Variants in BFSP2 observed in about 807,000 individuals in gnomAD.
The protein encoded by BFSP2 is phakinin.
Under a neutral mutation model 44.9 loss-of-function variants are expected in BFSP2, and 38 were observed. That is an observed-to-expected ratio of 0.85 (90% CI 0.65 to 1.11). BFSP2 has a LOEUF of 1.11. Ranked by LOEUF, BFSP2 falls within the 50% of genes least tolerant of loss-of-function variation. The pLI is 0.00. For missense variants in BFSP2, 525 were observed against 533.0 expected (o/e 0.99, Z 0.15); for synonymous variants, 197 against 209.9 (o/e 0.94, Z 0.53).
At chr3:133,448,000 A>C (rs2073919488) in intron 2 of BFSP2, among the ~76,000 whole-genome samples, 1 of 151,996 alleles carries the variant, frequency 6.6e-6, no homozygotes, top group South Asian at 2.1e-4. Context: ...TACACCTCCC[A>C]CTCAGTCCCT....
intron 5 of BFSP2, among the ~76,000 whole-genome samples, chr3:133,469,279 TAC>T (rs2107942930): frequency 6.6e-6 from 1 of 152,340 alleles, no homozygotes; most frequent in Non-Finnish European, 1.5e-5. Flanking sequence ...CAAACTCTCA[TAC>T]AGTTTTCAGA....
At position 133,400,155 on chromosome 3, in the gene BFSP2, G is replaced by A. The variant is rs1246825512; in HGVS notation, c.72G>A (p.Arg24=). ...CCAGCATGCCCCTCCAGAGGCGCAG[G>A]GCGTCCTTCAGGGGGCCACGGTCAT... ...ASSSMPLQRR[R]ASFRGPRSSS... The change falls in exon 1 of 7, where the codon AGG becomes AGA. Residue 24 remains arginine, a synonymous_variant. Transcript: ENST00000302334. The surrounding 1 kb of genome is among the most constrained non-coding windows in gnomAD (Gnocchi z 4.0). 1 of 1,614,152 alleles carries A rather than the reference G, an allele frequency of 6.2e-7. No homozygotes were observed. Among genetic ancestry groups the A allele is most frequent in the Admixed American group, 1.7e-5 (1 of 60,030 alleles).
chr3:133,408,192 CTTTTATT>C (rs775847678), intron 1 of BFSP2, among the ~76,000 whole-genome samples: 5 of 152,050 alleles, frequency 3.3e-5, no homozygotes, highest in Non-Finnish European at 7.4e-5. Context: ...CGATAGCACT[CTTTTATT>C]TTTAAATGTT....
chr3:133,414,044 CCTACTCACCCCT>C (rs2073480984), intron 1 of BFSP2, among the ~76,000 whole-genome samples: 1 of 139,212 alleles, frequency 7.2e-6, no homozygotes, highest in Admixed American at 7.0e-5. Context: ...CCCTCTCTCC[CCTACTCACCCCT>C]CTACTCACCC....
chr3:133,408,869 T>G (rs1427788177), intron 1 of BFSP2, among the ~76,000 whole-genome samples: 2 of 152,176 alleles, frequency 1.3e-5, no homozygotes, highest in Non-Finnish European at 2.9e-5. Context: ...ATGTTACTTA[T>G]AGGAGGGTGG....
At chr3:133,423,111 A>G (rs2073607756) in intron 1 of BFSP2, among the ~76,000 whole-genome samples, 1 of 152,200 alleles carries the variant, frequency 6.6e-6, no homozygotes, top group Non-Finnish European at 1.5e-5. Context: ...GCCAGGCACA[A>G]AGAAAGAAGA....
intron 1 of BFSP2, among the ~76,000 whole-genome samples, chr3:133,408,982 A>G (rs2073426158): frequency 6.6e-6 from 1 of 152,250 alleles, no homozygotes; most frequent in African/African-American, 2.4e-5. Flanking sequence ...ACAGAATTGT[A>G]TAACAAAAAT....
intron 3 of BFSP2, chr3:133,448,941 C>T (rs771393317): frequency 4.9e-6 from 2 of 409,016 alleles, no homozygotes; most frequent in East Asian, 4.9e-5. Flanking sequence ...AGCAACCCCT[C>T]CTCAATGCAT....
chr3:133,409,424 T>G (rs1420115831), intron 1 of BFSP2, among the ~76,000 whole-genome samples: 1 of 152,214 alleles, frequency 6.6e-6, no homozygotes, highest in Admixed American at 6.5e-5. Flanking sequence ...TATGTGATCA[T>G]GAAAATAAAT....
At chr3:133,447,168 G>C (rs1435799531) in intron 1 of BFSP2, 149 bp from the exon 2 acceptor site, 1 of 743,162 alleles carries the variant, frequency 1.3e-6, no homozygotes, top group Non-Finnish European at 2.3e-6. Context: ...ATTGTCCAAA[G>C]AGAGGGACAT....
chr3:133,437,022 T>C (rs1203262387), intron 1 of BFSP2, among the ~76,000 whole-genome samples: 2 of 152,250 alleles, frequency 1.3e-5, no homozygotes, highest in Admixed American at 6.5e-5. Context: ...ACATTTGGGT[T>C]GGTTCCAAGT....
intron 1 of BFSP2, among the ~76,000 whole-genome samples, chr3:133,425,324 G>A (rs2073633367): frequency 6.6e-6 from 1 of 152,206 alleles, no homozygotes; most frequent in Non-Finnish European, 1.5e-5. Context: ...CCTGTTACAT[G>A]CCAAGCACTG....
At position 133,448,650 on chromosome 3, in the gene BFSP2, G is replaced by C; in HGVS notation, c.729+5G>C. The C allele has an allele frequency of 1.9e-6, 3 of 1,613,454 alleles. No individual in the cohort carries two copies. The highest frequency in any genetic ancestry group is 2.5e-6 in the Non-Finnish European group (3 of 1,179,900). On this transcript the variant is annotated splice_donor_5th_base_variant and intron_variant, in intron 3 of 6. Transcript: ENST00000302334. ...CTATCAAGAAACTATGAAGAGGTAG[G>C]AGGGGGCTGGGGTTGCTGGGTTGGC... is the stretch of plus-strand genomic sequence containing the variant.
At chr3:133,423,543 G>A (rs2073613926) in intron 1 of BFSP2, among the ~76,000 whole-genome samples, 1 of 151,280 alleles carries the variant, frequency 6.6e-6, no homozygotes, top group Non-Finnish European at 1.5e-5. Flanking sequence ...GGGGGCGGGC[G>A]GTGGGGTGGT....
chr3:133,461,413 C>T (rs16840448), intron 4 of BFSP2, among the ~76,000 whole-genome samples: 27,987 of 152,098 alleles, frequency 0.18, 3,254 homozygotes, highest in African/African-American at 0.32. Flanking sequence ...AGTGCAAACA[C>T]GGGCGGCTCA....
rs573814107 is a variant in BFSP2 at position 133,420,638 on chromosome 3, G to C, written c.489+20066G>C. On this transcript the variant is annotated intron_variant, in intron 1 of 6. Coordinates refer to ENST00000302334, the MANE Select transcript of BFSP2 (RefSeq NM_003571.4). ...TGGTTTTCCTTCCTTACAGCAAGCA[G>C]GCATCCTCAGCCTCCTCCTCCACAG... Among the ~76,000 whole-genome samples the C allele has an allele frequency of 2.6e-5, 4 of 152,340 alleles. No individual in the cohort carries two copies. In the South Asian group the frequency reaches 8.3e-4, roughly 32 times the overall value.
At chr3:133,466,200 A>G (rs1358136692) in intron 4 of BFSP2, among the ~76,000 whole-genome samples, 2 of 152,178 alleles carry the variant, frequency 1.3e-5, no homozygotes, top group Non-Finnish European at 2.9e-5. Context: ...TTATAAATAT[A>G]TAAACTATTT....
chr3:133,414,918 C>G (rs2073500315), intron 1 of BFSP2, among the ~76,000 whole-genome samples: 1 of 125,456 alleles, frequency 8.0e-6, no homozygotes, highest in Admixed American at 7.7e-5. Flanking sequence ...CACTCCTGCC[C>G]TGTCCCCTCT....
intron 5 of BFSP2, among the ~76,000 whole-genome samples, chr3:133,468,496 C>G (rs922674204): frequency 1.7e-4 from 26 of 152,098 alleles, no homozygotes; most frequent in African/African-American, 6.0e-4. Context: ...CTGGAACACC[C>G]AAAAATGGCT....
Sources: allele counts gnomAD v4.1 joint callset (sites outside exome capture counted in the v4.1 genomes callset), GRCh38; gene constraint gnomAD v4.1.1; non-coding constraint Gnocchi (gnomAD v3.1); transcripts MANE v1.5; gene names NCBI Gene and HGNC (gene_info 2026-07-23, HGNC 2026-07-21).